Variants in BSND observed in about 807,000 individuals in gnomAD.
BSND encodes the protein barttin CLCNK type accessory subunit beta.
Under a neutral mutation model 18.8 loss-of-function variants are expected in BSND, and 13 were observed. The observed-to-expected ratio is 0.69, with a 90% confidence interval of 0.45 to 1.10. The LOEUF (loss-of-function observed/expected upper bound fraction) is 1.10. Among genes scored for constraint, BSND ranks in the 50% least tolerant of loss-of-function variants. The pLI, the probability that BSND is intolerant of heterozygous loss-of-function variation, is 0.00. For missense variants in BSND, 379 were observed against 416.7 expected, an observed-to-expected ratio of 0.91 and a Z score of 0.79; for synonymous variants, 170 against 161.8, an observed-to-expected ratio of 1.05 and a Z score of -0.39.
chr1:55,005,141 G>A, intron 2 of BSND, 25 bp downstream of exon 2: 1 of 1,610,638 alleles, frequency 6.2e-7, no homozygotes, highest in Non-Finnish European at 8.5e-7. Context: ...CTCTCGGGAG[G>A]GGAGGAGTAA....
At position 54,998,991 on chromosome 1, in the gene BSND, G is replaced by A; in HGVS notation, c.-196G>A. ...GCTGGGTGTGGGTCCGTTGAAGCGA[G>A]CCGCCTCCAGCCCTGTTGAACTGGT... is the stretch of plus-strand genomic sequence containing the variant. On this transcript the variant is annotated 5_prime_UTR_variant, in exon 1 of 4. Transcript: ENST00000651561. 1 of 634,668 alleles carries A rather than the reference G, an allele frequency of 1.6e-6. No homozygotes were observed. Among genetic ancestry groups the A allele is most frequent in the Non-Finnish European group, 2.7e-6 (1 of 369,814 alleles). 39.3% of individuals were successfully genotyped at this position (634,668 alleles called of 1,614,324 possible).
At position 55,015,835 on chromosome 1, in the gene BSND, C is replaced by T. The variant is rs1266256017; in HGVS notation, c.*7207C>T. 6.6e-6 allele frequency among the ~76,000 whole-genome samples: 1 copy of T among 152,166 alleles called. No homozygotes were observed. Among genetic ancestry groups the T allele is most frequent in the Non-Finnish European group, 1.5e-5 (1 of 68,032 alleles). On this transcript the variant is annotated 3_prime_UTR_variant, in exon 4 of 4. Transcript: ENST00000651561. ...AAGCACGGCGGGGATCTGACCCCACCTGGAGAGTCGGCAGGAGCTTCTCAG... is the reference window on the plus strand; with the variant it reads ...AAGCACGGCGGGGATCTGACCCCACTTGGAGAGTCGGCAGGAGCTTCTCAG...
At chr1:55,002,379 G>A (rs1169471125) in intron 1 of BSND, among the ~76,000 whole-genome samples, 1 of 152,204 alleles carries the variant, frequency 6.6e-6, no homozygotes, top group Non-Finnish European at 1.5e-5. Context: ...TGTGAGCAGG[G>A]AAAGGAGTGG....
At chr1:55,006,494 G>A (rs1002197240) in intron 2 of BSND, among the ~76,000 whole-genome samples, 26 of 152,304 alleles carry the variant, frequency 1.7e-4, no homozygotes, top group African/African-American at 6.3e-4. Flanking sequence ...AGTATCTCTT[G>A]TAATTATGGT....
intron 3 of BSND, 131 bp downstream of exon 3, chr1:55,007,403 C>A: frequency 1.6e-6 from 2 of 1,246,164 alleles, no homozygotes; most frequent in Non-Finnish European, 2.2e-6. Flanking sequence ...TGTGGGACAC[C>A]CTGAGATGTG....
Position 55,014,375 on chromosome 1 carries a change from C to A in BSND, c.*5747C>A, listed in dbSNP as rs772166116. Among the ~76,000 whole-genome samples the A allele has an allele frequency of 6.6e-6, 1 of 152,198 alleles. No homozygotes were observed. Among genetic ancestry groups the A allele is most frequent in the Non-Finnish European group, 1.5e-5 (1 of 68,032 alleles). On this transcript the variant is annotated 3_prime_UTR_variant, in exon 4 of 4. Transcript: ENST00000651561. ...ACTTAGCCTCTCTGGCCCTCAATTTCCTTATTAATAAATTGAGGTTAGTGA... is the reference window on the plus strand; with the variant it reads ...ACTTAGCCTCTCTGGCCCTCAATTTACTTATTAATAAATTGAGGTTAGTGA...
chr1:55,000,453 GGA>G (rs1341064765), intron 1 of BSND, among the ~76,000 whole-genome samples: 20 of 150,248 alleles, frequency 1.3e-4, no homozygotes, highest in Middle Eastern at 3.4e-3. Context: ...GTGTGAGTTA[GGA>G]GGGGGGGGTG....
Position 54,999,034 on chromosome 1 carries a change from C to T in BSND, c.-153C>T, listed in dbSNP as rs1470292600. On this transcript the variant is annotated 5_prime_UTR_variant, in exon 1 of 4. Coordinates refer to ENST00000651561, the MANE Select transcript of BSND (RefSeq NM_057176.3). ...GAACTGGTGGGCCCAGGGACTGGAG[C>T]GGGATTGAAAGGGATCTTGCTCTCC... The T allele has an allele frequency of 1.9e-5, 17 of 883,324 alleles. No homozygotes were observed. Among genetic ancestry groups the T allele is most frequent in the Middle Eastern group, 5.8e-4 (2 of 3,422 alleles). The allele number at this position is 883,324 out of a possible 1,614,324, so 54.7% of individuals were successfully genotyped here. A position where few individuals can be genotyped will look rare whatever the true frequency, so the allele number is the denominator to read the frequency against.
In BSND at chr1:55,001,782, A is replaced by G. The variant is rs114587901; in HGVS notation, c.177+2419A>G. 4.5e-3 allele frequency among the ~76,000 whole-genome samples: 680 copies of G among 152,178 alleles called. 4 individuals are homozygous for G. The highest frequency in any genetic ancestry group is 0.016 in the African/African-American group (650 of 41,516). The stretch of plus-strand genomic sequence containing the variant: ...AGGTGAGCTGGGCTTTGTAGGTGAG[A>G]TAAGAGTTCACCAAGCAGAGAAGAT... On this transcript the variant is annotated intron_variant, in intron 1 of 3. Coordinates refer to ENST00000651561, the MANE Select transcript of BSND (RefSeq NM_057176.3).
chr1:55,000,962 G>A (rs1644358580), intron 1 of BSND, among the ~76,000 whole-genome samples: 1 of 152,126 alleles, frequency 6.6e-6, no homozygotes, highest in Admixed American at 6.6e-5. Context: ...TGACGGTAGA[G>A]GGGAGGGGAG....
rs551693077 is a variant in BSND, at chr1:55,012,809, A to T, written c.*4181A>T. On this transcript the variant is annotated 3_prime_UTR_variant, in exon 4 of 4. Transcript: ENST00000651561. ...TATAAAATGCCTCCTGTGGGGCAGGAGGGGAGCAGCATGCTGAGTGAGAGA... is the reference window on the plus strand; with the variant it reads ...TATAAAATGCCTCCTGTGGGGCAGGTGGGGAGCAGCATGCTGAGTGAGAGA... 7.9e-5 allele frequency among the ~76,000 whole-genome samples: 12 copies of T among 152,296 alleles called. No individual in the cohort carries two copies. Among genetic ancestry groups the T allele is most frequent in the Middle Eastern group, 3.4e-3 (1 of 292 alleles).
In BSND at chr1:55,012,184, C is replaced by T. The variant is rs887390343; in HGVS notation, c.*3556C>T. On this transcript the variant is annotated 3_prime_UTR_variant, in exon 4 of 4. Transcript: ENST00000651561. ...CGACCGCTCGCCATGACCTTGGGTA[C>T]ATCACAGCCCTCCCTGGGCTCCTCT... Among the ~76,000 whole-genome samples the T allele has an allele frequency of 9.9e-5, 15 of 152,182 alleles. No individual in the cohort carries two copies. The highest frequency in any genetic ancestry group is 3.4e-4 in the African/African-American group (14 of 41,446).
Position 55,010,376 on chromosome 1 carries a change from A to G in BSND, c.*1748A>G, listed in dbSNP as rs1256123679. 1 of 152,132 alleles carries G rather than the reference A, an allele frequency of 6.6e-6. No homozygotes were observed. The highest frequency in any genetic ancestry group is 1.5e-5 in the Non-Finnish European group (1 of 68,078). The allele number at this position is 152,132 out of a possible 1,614,324, so 9.4% of individuals were successfully genotyped here. On this transcript the variant is annotated 3_prime_UTR_variant, in exon 4 of 4. Transcript: ENST00000651561. ...ACCATCTCAGGGTGATGCTATTGTT[A>G]CGCTGATCCCTGCAACGCTTGCCTG...
Position 55,007,229 on chromosome 1 carries a change from G to C in BSND, c.505G>C (p.Asp169His), listed in dbSNP as rs1644396148. The stretch of plus-strand genomic sequence containing the variant: ...TGCCGTGGTCATCCACAAGGGCTCA[G>C]ACGAGAGTGAAGGGGAAAGACGCCT... ...EAAVVIHKGSDESEGERRLTQ... is the reference protein window; with the variant it reads ...EAAVVIHKGSHESEGERRLTQ... Residue 169 changes from aspartate (D) to histidine (H), a missense_variant, in exon 3 of 4, where the codon GAC (aspartate) becomes CAC (histidine). Asp to His is a moderately conservative substitution (Grantham distance 81). Transcript: ENST00000651561. 1 of 1,612,584 alleles carries C rather than the reference G, an allele frequency of 6.2e-7. No homozygotes were observed. The highest frequency in any genetic ancestry group is 1.3e-5 in the African/African-American group (1 of 74,888).
chr1:55,015,265 C>G lies in BSND; in HGVS notation c.*6637C>G, dbSNP rs2100216476. On this transcript the variant is annotated 3_prime_UTR_variant, in exon 4 of 4. Coordinates refer to ENST00000651561, the MANE Select transcript of BSND (RefSeq NM_057176.3). ...TCCACTCATGTCACTGGGTGGATGC[C>G]AGGTCAGGACTGAAGCTTGCAGAGC... Among the ~76,000 whole-genome samples, 1 of 152,314 alleles carries G rather than the reference C, an allele frequency of 6.6e-6. No homozygotes were observed. Among genetic ancestry groups the G allele is most frequent in the South Asian group, 2.1e-4 (1 of 4,828 alleles).
rs2100209718 is a variant in BSND at position 55,008,421 on chromosome 1, G to A, written c.756G>A (p.Glu252=). The change falls in exon 4 of 4, where the codon GAG becomes GAA. Residue 252 remains glutamate, a synonymous_variant. Transcript: ENST00000651561. ...ALIDAPTLED[E]PQEGQQWEIA... is the part of the protein sequence containing the mutation. ...TTGATGCCCCAACGTTGGAGGATGA[G>A]CCCCAAGAGGGGCAGCAGTGGGAAA... The A allele has an allele frequency of 1.2e-6, 2 of 1,614,210 alleles. No homozygotes were observed. Among genetic ancestry groups the A allele is most frequent in the East Asian group, 2.2e-5 (1 of 44,880 alleles).
At position 55,005,024 on chromosome 1, in the gene BSND, C is replaced by T. The variant is rs762467138; in HGVS notation, c.180C>T (p.Ile60=). 8 of 1,614,168 alleles carry T rather than the reference C, an allele frequency of 5.0e-6. No homozygotes were observed. The South Asian group carries it at 7.7e-5, about 16-fold the overall frequency. ...GGCTGTCTCTCCTTTGCTTGCAGAT[C>T]ACCTTCGTCCCTGCTGACTCTGACT... ...IWSMCQCYPK[I]TFVPADSDFQ... Residue 60 remains isoleucine (I), a splice_region_variant and synonymous_variant, in exon 2 of 4, where the codon ATC becomes ATT. Coordinates refer to ENST00000651561, the MANE Select transcript of BSND (RefSeq NM_057176.3).
rs2100208677 is a variant in BSND, at chr1:55,007,118, C to T, written c.394C>T (p.Leu132=). ...CTACAGTGAGGACCACCGCTCCTTGCTGGCCCCTGAGATGGGGCAGCCGAA... is the reference window on the plus strand; with the variant it reads ...CTACAGTGAGGACCACCGCTCCTTGTTGGCCCCTGAGATGGGGCAGCCGAA... ...MSYSEDHRSL[L]APEMGQPKLG... Residue 132 remains leucine, a synonymous_variant, in exon 3 of 4, where the codon CTG becomes TTG. Coordinates refer to ENST00000651561, the MANE Select transcript of BSND (RefSeq NM_057176.3). 1 of 1,614,218 alleles carries T rather than the reference C, an allele frequency of 6.2e-7. No individual in the cohort carries two copies. The highest frequency in any genetic ancestry group is 8.5e-7 in the Non-Finnish European group (1 of 1,180,038).
rs184841428 is a variant in BSND, at chr1:55,014,968, G to A, written c.*6340G>A. Among the ~76,000 whole-genome samples the A allele has an allele frequency of 2.0e-5, 3 of 152,340 alleles. No homozygotes were observed. Among genetic ancestry groups the A allele is most frequent in the African/African-American group, 7.2e-5 (3 of 41,582 alleles). ...GGAAGGAAGGAGGAAGAAGGAGACT[G>A]TCCTGGCTGGAGTGGTGGAGGACAG... On this transcript the variant is annotated 3_prime_UTR_variant, in exon 4 of 4. Transcript: ENST00000651561.
Sources: gnomAD v4.1 joint callset for allele counts (sites outside exome capture counted in the v4.1 genomes callset) on GRCh38, gnomAD v4.1.1 for gene constraint, MANE v1.5 for transcripts, NCBI Gene and HGNC (gene_info 2026-07-23, HGNC 2026-07-21) for gene names.